Variants in BCAS3 observed in about 807,000 individuals in gnomAD.
BCAS3 encodes the protein BCAS4/BCAS3 fusion.
In BCAS3, 53 loss-of-function variants were observed where a neutral mutation model predicts 116.1. The observed-to-expected ratio is 0.46, with a 90% CI of 0.37 to 0.57. BCAS3 has a LOEUF of 0.57. Among genes scored for constraint, BCAS3 ranks in the 20% least tolerant of loss-of-function variants. The pLI is 0.00. For missense variants in BCAS3, 917 were observed against 1,165.4 expected (o/e 0.79, Z 3.10); for synonymous variants, 391 against 408.2 (o/e 0.96, Z 0.51).
intron 19 of BCAS3, among the ~76,000 whole-genome samples, chr17:61,045,991 A>T (rs1211007520): frequency 8.7e-4 from 8 of 9,210 alleles, no homozygotes; most frequent in African/African-American, 9.8e-4. Flanking sequence ...ATATATATTT[A>T]TATATATATA....
chr17:61,191,513 C>T (rs144181707), intron 22 of BCAS3, among the ~76,000 whole-genome samples: 188 of 152,256 alleles, frequency 1.2e-3, no homozygotes, highest in East Asian at 7.7e-3. Flanking sequence ...CGGTGGCTCA[C>T]GCCTGTAATC....
chr17:60,840,729 C>T (rs1226815346), intron 7 of BCAS3, among the ~76,000 whole-genome samples: 4 of 152,090 alleles, frequency 2.6e-5, no homozygotes, highest in Admixed American at 6.6e-5. Context: ...AAAAAGATTC[C>T]TAAGTTATGG....
At chr17:60,977,861 A>G (rs1228694358) in intron 14 of BCAS3, among the ~76,000 whole-genome samples, 1 of 145,636 alleles carries the variant, frequency 6.9e-6, no homozygotes, top group Non-Finnish European at 1.5e-5. Context: ...ATAGTATTCC[A>G]TGGTGTATAT....
chr17:61,136,585 G>A lies in BCAS3; in HGVS notation c.2425+52021G>A, dbSNP rs1463584378. Reference sequence around the variant, plus strand: ...TCCCATTTATTTATTGAGAGACGGAGGCTGGATGTTGTCGCCCAGGCTGGA... The same window carrying A: ...TCCCATTTATTTATTGAGAGACGGAAGCTGGATGTTGTCGCCCAGGCTGGA... On this transcript the variant is annotated intron_variant, in intron 22 of 23. Transcript: ENST00000407086. This position sits in a 1 kb window ranked among gnomAD's most constrained non-coding sequence, Gnocchi z 4.4. Among the ~76,000 whole-genome samples the A allele has an allele frequency of 1.3e-5, 2 of 152,134 alleles. No homozygotes were observed. The highest frequency in any genetic ancestry group is 2.9e-5 in the Non-Finnish European group (2 of 68,030).
chr17:60,844,999 G>A (rs534121553), intron 7 of BCAS3, among the ~76,000 whole-genome samples: 3 of 152,296 alleles, frequency 2.0e-5, no homozygotes, highest in East Asian at 3.9e-4. Context: ...GGAGGCCGAG[G>A]CAGGTGGATC....
chr17:61,106,405 A>G lies in BCAS3; in HGVS notation c.2425+21841A>G, dbSNP rs1242338575. Among the ~76,000 whole-genome samples the G allele has an allele frequency of 1.3e-5, 2 of 152,348 alleles. No homozygotes were observed. The highest frequency in any genetic ancestry group is 2.1e-4 in the South Asian group (1 of 4,828). ...TGCCTACAGTATTCGGTACAGTAAC[A>G]TACTGCACAGATTTTTTGTCTGGGA... On this transcript the variant is annotated intron_variant, in intron 22 of 23. Coordinates refer to ENST00000407086, the MANE Select transcript of BCAS3 (RefSeq NM_017679.5). The surrounding 1 kb of genome is among the most constrained non-coding windows in gnomAD (Gnocchi z 4.2).
chr17:60,975,474 G>A (rs1254550457), intron 14 of BCAS3, among the ~76,000 whole-genome samples: 2 of 152,194 alleles, frequency 1.3e-5, no homozygotes, highest in Admixed American at 6.5e-5. Context: ...ATAAAAAGAG[G>A]CTATAGAACT....
At chr17:61,064,069 C>G (rs1227142470) in intron 19 of BCAS3, among the ~76,000 whole-genome samples, 1 of 152,128 alleles carries the variant, frequency 6.6e-6, no homozygotes, top group African/African-American at 2.4e-5. Context: ...TAAACTCCAC[C>G]TTGTCCTTAA....
rs978581685 is a variant in BCAS3, at chr17:61,346,496, G to A, written c.2426-21831G>A. Among the ~76,000 whole-genome samples the A allele has an allele frequency of 6.6e-6, 1 of 152,164 alleles. No individual in the cohort carries two copies. Among genetic ancestry groups the A allele is most frequent in the Non-Finnish European group, 1.5e-5 (1 of 68,026 alleles). ...TGTTGTGAGGCTCTGTGGGATAGCA[G>A]CACATTCAAGCATTGACTGTGTATC... On this transcript the variant is annotated intron_variant, in intron 22 of 23. Transcript: ENST00000407086. This position sits in a 1 kb window ranked among gnomAD's most constrained non-coding sequence, Gnocchi z 5.4.
rs1417920120 is a variant in BCAS3 at position 61,162,876 on chromosome 17, A to G, written c.2425+78312A>G. Among the ~76,000 whole-genome samples the G allele has an allele frequency of 6.6e-6, 1 of 152,226 alleles. No individual in the cohort carries two copies. The highest frequency in any genetic ancestry group is 1.5e-5 in the Non-Finnish European group (1 of 68,034). On this transcript the variant is annotated intron_variant, in intron 22 of 23. Coordinates refer to ENST00000407086, the MANE Select transcript of BCAS3 (RefSeq NM_017679.5). The surrounding 1 kb of genome is among the most constrained non-coding windows in gnomAD (Gnocchi z 5.6). ...ATTTGGGACACTCAAGAGGACCAAC[A>G]TGACGTTAGAGCTTTTTACTTAATA...
rs1357772422 is a variant in BCAS3 at position 61,134,234 on chromosome 17, TAAG to T, written c.2425+49675_2425+49677del. 6.6e-6 allele frequency among the ~76,000 whole-genome samples: 1 copy of T among 152,312 alleles called. No homozygotes were observed. Among genetic ancestry groups the T allele is most frequent in the African/African-American group, 2.4e-5 (1 of 41,580 alleles). On this transcript the variant is annotated intron_variant, in intron 22 of 23. Coordinates refer to ENST00000407086, the MANE Select transcript of BCAS3 (RefSeq NM_017679.5). The surrounding 1 kb of genome is among the most constrained non-coding windows in gnomAD (Gnocchi z 4.6). ...AAAGGGAAGAAATACCATTTCGTAA[TAAG>T]AAGATGAGGATCAATAATAGTAGTG...
chr17:61,110,435 C>A (rs927803148), intron 22 of BCAS3, among the ~76,000 whole-genome samples: 1 of 151,226 alleles, frequency 6.6e-6, no homozygotes, highest in Non-Finnish European at 1.5e-5. Context: ...ACTTGGGAAG[C>A]GCAAGGGGTC....
chr17:61,377,000 A>C lies in BCAS3; in HGVS notation c.2593+8506A>C, dbSNP rs1415258068. Among the ~76,000 whole-genome samples the C allele has an allele frequency of 6.6e-6, 1 of 152,150 alleles. No homozygotes were observed. Among genetic ancestry groups the C allele is most frequent in the Non-Finnish European group, 1.5e-5 (1 of 68,022 alleles). On this transcript the variant is annotated intron_variant, in intron 23 of 23. Transcript: ENST00000407086. This position sits in a 1 kb window ranked among gnomAD's most constrained non-coding sequence, Gnocchi z 4.5. ...TAAGAGAGACAAGTTTCCTACCCTCAAAGAGATTAAAGCCCCAGAGGAGGC... is the reference window on the plus strand; with the variant it reads ...TAAGAGAGACAAGTTTCCTACCCTCCAAGAGATTAAAGCCCCAGAGGAGGC...
At chr17:61,293,943 G>C (rs899922644) in intron 22 of BCAS3, among the ~76,000 whole-genome samples, 1 of 152,038 alleles carries the variant, frequency 6.6e-6, no homozygotes, top group Admixed American at 6.6e-5. Flanking sequence ...GTATTCTTTT[G>C]GTAGAGGAGA....
Position 61,186,151 on chromosome 17 carries a change from C to T in BCAS3, c.2425+101587C>T, listed in dbSNP as rs1250761941. Among the ~76,000 whole-genome samples, 2 of 152,146 alleles carry T rather than the reference C, an allele frequency of 1.3e-5. No homozygotes were observed. The highest frequency in any genetic ancestry group is 6.5e-5 in the Admixed American group (1 of 15,268). On this transcript the variant is annotated intron_variant, in intron 22 of 23. Transcript: ENST00000407086. This position sits in a 1 kb window ranked among gnomAD's most constrained non-coding sequence, Gnocchi z 4.9. ...TCTAGTGCCTTGAATTGCTATTTAA[C>T]ATACGATAGCTTATTTATATATTCA...
At chr17:60,750,726 A>G (rs1400991212) in intron 6 of BCAS3, among the ~76,000 whole-genome samples, 1 of 152,162 alleles carries the variant, frequency 6.6e-6, no homozygotes, top group Non-Finnish European at 1.5e-5. Flanking sequence ...AGTCATCACA[A>G]CAACATTCCC....
chr17:61,179,745 A>G (rs1256754851), intron 22 of BCAS3, among the ~76,000 whole-genome samples: 3 of 152,204 alleles, frequency 2.0e-5, no homozygotes, highest in Non-Finnish European at 4.4e-5. Flanking sequence ...AAAAGCAGAA[A>G]GACCGAATCT....
intron 6 of BCAS3, among the ~76,000 whole-genome samples, chr17:60,782,418 A>C (rs1362372029): frequency 6.6e-6 from 1 of 152,148 alleles, no homozygotes; most frequent in Non-Finnish European, 1.5e-5. Flanking sequence ...TTCAGAATGT[A>C]GATTACAAAC....
At chr17:61,383,865 ACT>A (rs1568988327) in intron 23 of BCAS3, 1 of 152,118 alleles carries the variant, frequency 6.6e-6, no homozygotes, top group Non-Finnish European at 1.5e-5. Context: ...AAGGACAGCC[ACT>A]CTCCTGTGGT....
Sources: gnomAD v4.1 joint callset for allele counts (sites outside exome capture counted in the v4.1 genomes callset) on GRCh38, gnomAD v4.1.1 for gene constraint, Gnocchi (gnomAD v3.1) non-coding constraint, MANE v1.5 for transcripts, NCBI Gene and HGNC (gene_info 2026-07-23, HGNC 2026-07-21) for gene names.